Variants in SCIN observed in about 807,000 individuals in gnomAD.
SCIN encodes adseverin.
A neutral mutation model predicts 91.8 loss-of-function variants in SCIN; 91 were observed. That is an observed-to-expected ratio of 0.99 (90% CI 0.84 to 1.18). The LOEUF is 1.18. Among genes scored for constraint, SCIN ranks in the 50% most tolerant of loss-of-function variants. The pLI is 0.00. For synonymous variants in SCIN, 367 were observed against 312.6 expected (o/e 1.17, Z -1.84); for missense variants, 1,087 against 863.9 (o/e 1.26, Z -3.24).
intron 9 of SCIN, among the ~76,000 whole-genome samples, chr7:12,630,829 T>C (rs1783626946): frequency 6.6e-6 from 1 of 152,240 alleles, no homozygotes; most frequent in Non-Finnish European, 1.5e-5. Flanking sequence ...CTTTAAGGCC[T>C]GAGTATATCA....
At chr7:12,632,805 G>A (rs1458706408) in intron 9 of SCIN, among the ~76,000 whole-genome samples, 2 of 152,206 alleles carry the variant, frequency 1.3e-5, no homozygotes, top group Non-Finnish European at 2.9e-5. Context: ...ATCGGTAAAA[G>A]TTACTGTCTT....
chr7:12,578,070 A>T lies in SCIN; in HGVS notation c.206A>T (p.Glu69Val). 6.5e-7 allele frequency: 1 copy of T among 1,542,934 alleles called. No homozygotes were observed. The highest frequency in any genetic ancestry group is 8.7e-7 in the Non-Finnish European group (1 of 1,143,398). ...TYHLHFWLGK[E>V]CSQDESTAAA... The stretch of plus-strand genomic sequence containing the variant: ...CTGTTGTTCACTGTTTTAGGAAAGG[A>T]GTGTTCCCAGGATGAAAGCACAGCT... The change falls in exon 2 of 16, where the codon GAG (glutamate) becomes GTG (valine). Residue 69 changes from glutamate (E) to valine (V), a missense_variant. Physicochemically the swap from Glu to Val is moderately radical, Grantham distance 121 (BLOSUM62 -2). Coordinates refer to ENST00000297029, the MANE Select transcript of SCIN (RefSeq NM_001112706.3).
chr7:12,571,509 T>C (rs957868583), intron 1 of SCIN: 2 of 409,402 alleles, frequency 4.9e-6, no homozygotes, highest in Admixed American at 3.5e-5. Flanking sequence ...TTCTCTATGA[T>C]TGCGGGAATT....
chr7:12,615,384 G>C (rs1232523947), intron 4 of SCIN, among the ~76,000 whole-genome samples: 1 of 151,970 alleles, frequency 6.6e-6, no homozygotes, highest in Non-Finnish European at 1.5e-5. Context: ...GTTCTCATGA[G>C]GTCTGATGGT....
intron 9 of SCIN, among the ~76,000 whole-genome samples, chr7:12,635,611 CAAAAAAAAAAAAAAAA>C (rs59324421): frequency 5.1e-4 from 3 of 5,850 alleles, no homozygotes; most frequent in Non-Finnish European, 1.3e-3. Flanking sequence ...GACTCCGTCT[CAAAAAAAAAAAAAAAA>C]AAAAAAAAAA....
At chr7:12,578,793 C>T (rs554207588) in intron 2 of SCIN, among the ~76,000 whole-genome samples, 26 of 151,898 alleles carry the variant, frequency 1.7e-4, no homozygotes, top group Admixed American at 1.4e-3. Flanking sequence ...CACGCACATA[C>T]ACAATTTATG....
chr7:12,633,218 A>G (rs892710440), intron 9 of SCIN, among the ~76,000 whole-genome samples: 1 of 152,188 alleles, frequency 6.6e-6, no homozygotes, highest in African/African-American at 2.4e-5. Flanking sequence ...CTGAAATGAC[A>G]GGACAAAAAA....
Position 12,578,110 on chromosome 7 carries a change from T to G in SCIN, c.246T>G (p.Thr82=). 1 of 1,549,472 alleles carries G rather than the reference T, an allele frequency of 6.5e-7. No individual in the cohort carries two copies. Among genetic ancestry groups the G allele is most frequent in the Middle Eastern group, 1.7e-4 (1 of 5,986 alleles). ...AAAGCACAGCTGCTGCCATCTTCAC[T>G]GTTCAGATGGATGACTATTTGGGTG... ...QDESTAAAIF[T]VQMDDYLGGK... is the part of the protein sequence containing the mutation. Residue 82 remains threonine (T), a synonymous_variant, in exon 2 of 16, where the codon ACT becomes ACG. Coordinates refer to ENST00000297029, the MANE Select transcript of SCIN (RefSeq NM_001112706.3).
At chr7:12,588,129 T>A (rs1202518431) in intron 3 of SCIN, among the ~76,000 whole-genome samples, 1 of 152,182 alleles carries the variant, frequency 6.6e-6, no homozygotes. Context: ...CCCAAAGTAA[T>A]GCATACCACT....
intron 3 of SCIN, among the ~76,000 whole-genome samples, chr7:12,600,286 G>T (rs1356739084): frequency 6.6e-6 from 1 of 152,188 alleles, no homozygotes; most frequent in Admixed American, 6.5e-5. Flanking sequence ...TCACTTATAT[G>T]TGGGAGCTAA....
chr7:12,645,363 A>G (rs1270527620), intron 13 of SCIN, among the ~76,000 whole-genome samples: 1 of 152,066 alleles, frequency 6.6e-6, no homozygotes, highest in African/African-American at 2.4e-5. Context: ...AGTGAGATAG[A>G]ACCTAACAAC....
At chr7:12,590,571 G>A (rs929312850) in intron 3 of SCIN, among the ~76,000 whole-genome samples, 3 of 152,044 alleles carry the variant, frequency 2.0e-5, no homozygotes, top group African/African-American at 7.2e-5. Context: ...CCCTTGAAAG[G>A]AGGCTGCTTG....
chr7:12,640,705 C>G (rs571609086), intron 11 of SCIN, among the ~76,000 whole-genome samples, 188 bp downstream of exon 11: 42 of 152,210 alleles, frequency 2.8e-4, no homozygotes, highest in African/African-American at 9.6e-4. Flanking sequence ...CTCCAGATAC[C>G]AGGCCTTTCG....
chr7:12,596,994 C>G (rs1782856596), intron 3 of SCIN, among the ~76,000 whole-genome samples: 1 of 152,160 alleles, frequency 6.6e-6, no homozygotes, highest in Non-Finnish European at 1.5e-5. Context: ...GTCACCAAGC[C>G]TTCAGTGGCC....
chr7:12,624,423 A>C (rs1293839254), intron 5 of SCIN, among the ~76,000 whole-genome samples: 6 of 152,208 alleles, frequency 3.9e-5, no homozygotes. Context: ...TTACTTTGAT[A>C]ATTTATACAA....
intron 8 of SCIN, among the ~76,000 whole-genome samples, chr7:12,627,342 A>T (rs527277782): frequency 8.0e-4 from 121 of 152,108 alleles, no homozygotes; most frequent in Middle Eastern, 6.8e-3. Context: ...CCTCCTTGGC[A>T]ACTCAGTTAA....
rs960177781 is a variant in SCIN at position 12,655,958 on chromosome 7, C to T, written c.*3243C>T. ...TTCTCTCTGATTCAAGAAATTCATA[C>T]TCAACTCAGTCAAACAGAGGTCCTG... On this transcript the variant is annotated 3_prime_UTR_variant, in exon 16 of 16. Transcript: ENST00000297029. The T allele has an allele frequency of 6.6e-6, 1 of 152,124 alleles. No homozygotes were observed. The allele number at this position is 152,124 out of a possible 1,614,324, so 9.4% of individuals were successfully genotyped here. A position where few individuals can be genotyped will look rare whatever the true frequency, so the allele number is the denominator to read the frequency against.
intron 4 of SCIN, among the ~76,000 whole-genome samples, chr7:12,618,658 G>A (rs886137310): frequency 6.6e-6 from 1 of 151,974 alleles, no homozygotes; most frequent in African/African-American, 2.4e-5. Context: ...TCAAATATTT[G>A]TCTTACCTAA....
intron 3 of SCIN, among the ~76,000 whole-genome samples, chr7:12,598,093 T>C (rs541655535): frequency 6.6e-6 from 1 of 152,340 alleles, no homozygotes; most frequent in South Asian, 2.1e-4. Flanking sequence ...GTGTCTAGCA[T>C]ACTTAAATCA....
Sources: gnomAD v4.1 joint callset for allele counts (sites outside exome capture counted in the v4.1 genomes callset) on GRCh38, gnomAD v4.1.1 for gene constraint, MANE v1.5 for transcripts, NCBI Gene and HGNC (gene_info 2026-07-23, HGNC 2026-07-21) for gene names.